The following DARS1 variants were observed in gnomAD, a reference collection of about 807,000 sequenced individuals.
DARS1 encodes the protein aspartate--tRNA ligase, cytoplasmic.
A neutral mutation model predicts 68.8 loss-of-function variants in DARS1; 51 were observed. The observed-to-expected ratio is 0.74, with a 90% CI of 0.59 to 0.94. DARS1 has a LOEUF of 0.94. Ranked by LOEUF, DARS1 falls within the 40% of genes least tolerant of loss-of-function variation. The pLI is 0.00. For missense variants in DARS1, 607 were observed against 597.3 expected (o/e 1.02, Z -0.17); for synonymous variants, 203 against 190.4 (o/e 1.07, Z -0.55).
In DARS1 at chr2:135,943,435, T is replaced by C. The variant is rs200029648; in HGVS notation, c.366A>G (p.Lys122=). The C allele has an allele frequency of 5.0e-6, 8 of 1,613,732 alleles. No homozygotes were observed. In the African/African-American group the frequency reaches 9.3e-5, roughly 19 times the overall value. ...TACAGCTTCCAATTTTCTGATTCAC[T>C]TTTCTCACAACACCTTCTACATCCA... ...SIVDVEGVVR[K]VNQKIGSCTQ... Residue 122 remains lysine (K), a synonymous_variant, in exon 5 of 16, where the codon AAA becomes AAG. Coordinates refer to ENST00000264161, the MANE Select transcript of DARS1 (RefSeq NM_001349.4).
At chr2:135,924,926 T>A (rs1396420267) in intron 7 of DARS1, among the ~76,000 whole-genome samples, 2 of 152,190 alleles carry the variant, frequency 1.3e-5, no homozygotes, top group Non-Finnish European at 2.9e-5. Flanking sequence ...CCATGTATTT[T>A]TATTTTAACC....
intron 2 of DARS1, among the ~76,000 whole-genome samples, chr2:135,982,349 C>T (rs961691175): frequency 1.3e-5 from 2 of 152,010 alleles, no homozygotes; most frequent in African/African-American, 4.8e-5. Context: ...AATCCTAGCA[C>T]TTTGGGAGGC....
chr2:135,932,567 G>C (rs1236171334), intron 7 of DARS1, among the ~76,000 whole-genome samples: 1 of 152,090 alleles, frequency 6.6e-6, no homozygotes, highest in Non-Finnish European at 1.5e-5. Context: ...TTAAAACAAA[G>C]AAAGTCAATA....
Position 135,916,360 on chromosome 2 carries a change from T to C in DARS1, c.972A>G (p.Glu324=). The C allele has an allele frequency of 6.5e-7, 1 of 1,529,104 alleles. No individual in the cohort carries two copies. Among genetic ancestry groups the C allele is most frequent in the Non-Finnish European group, 9.1e-7 (1 of 1,103,082 alleles). The allele number at this position is 1,529,104 out of a possible 1,614,324, so 94.7% of individuals were successfully genotyped here. The change falls in exon 11 of 16, where the codon GAA becomes GAG. Residue 324 remains glutamate, a synonymous_variant. Coordinates refer to ENST00000264161, the MANE Select transcript of DARS1 (RefSeq NM_001349.4). ...FKGLQERFQT[E]IQTVNKQFPC... ...GGAACTGTTTATTCACTGTTTGAATTTCAGTCTGAAACCTATTTGCAGAAT... is the reference window on the plus strand; with the variant it reads ...GGAACTGTTTATTCACTGTTTGAATCTCAGTCTGAAACCTATTTGCAGAAT...
chr2:135,924,573 G>A lies in DARS1; in HGVS notation c.565-75C>T, dbSNP rs1681175053. 17 of 1,506,682 alleles carry A rather than the reference G, an allele frequency of 1.1e-5. No homozygotes were observed. The South Asian group carries it at 1.2e-4, about 11-fold the overall frequency. 93.3% of individuals were successfully genotyped at this position (1,506,682 alleles called of 1,614,324 possible). The stretch of plus-strand genomic sequence containing the variant: ...GCACTAACTCTGTGGGCTAGGCACT[G>A]TGGAAACCTAACAATTCTTGCTTTC... On this transcript the variant is annotated intron_variant, in intron 7 of 15. Transcript: ENST00000264161.
chr2:135,913,568 C>T (rs309169), intron 12 of DARS1, among the ~76,000 whole-genome samples: 3,469 of 152,070 alleles, frequency 0.023, 108 homozygotes, highest in African/African-American at 0.079. Context: ...ACCAGCCTGG[C>T]CTACATGGTG....
At chr2:135,974,290 A>G (rs960357569) in intron 3 of DARS1, among the ~76,000 whole-genome samples, 2 of 152,236 alleles carry the variant, frequency 1.3e-5, no homozygotes, top group Admixed American at 1.3e-4. Flanking sequence ...AAGTGCTGCA[A>G]GTGTTCTGGG....
At chr2:135,917,128 C>G (rs954091562) in intron 10 of DARS1, among the ~76,000 whole-genome samples, 1 of 151,902 alleles carries the variant, frequency 6.6e-6, no homozygotes, top group Non-Finnish European at 1.5e-5. Context: ...CCATTGCCCT[C>G]CAGCCTGGGC....
chr2:135,963,093 A>T (rs1251191973), intron 3 of DARS1, among the ~76,000 whole-genome samples: 1 of 152,208 alleles, frequency 6.6e-6, no homozygotes, highest in Non-Finnish European at 1.5e-5. Context: ...GGACTTACAA[A>T]GGGTGAGCAC....
intron 3 of DARS1, chr2:135,979,041 T>G: frequency 2.8e-6 from 1 of 358,692 alleles, no homozygotes; most frequent in Non-Finnish European, 4.9e-6. Context: ...GCTAGAAAAG[T>G]AGCTTGAAGT....
At chr2:135,957,641 C>T (rs1682009032) in intron 4 of DARS1, among the ~76,000 whole-genome samples, 1 of 152,140 alleles carries the variant, frequency 6.6e-6, no homozygotes, top group Non-Finnish European at 1.5e-5. Context: ...GGATTACAGG[C>T]ATGAGCCACC....
rs151266570 is a variant in DARS1 at position 135,960,741 on chromosome 2, C to T, written c.320+655G>A. Among the ~76,000 whole-genome samples, 201 of 152,224 alleles carry T rather than the reference C, an allele frequency of 1.3e-3. 2 individuals carry two copies. The highest frequency in any genetic ancestry group is 0.011 in the South Asian group (51 of 4,818). ...ACATCACCACTACCAAGTAAAACAG[C>T]TCTCATCACCTTAGAGCCACTGCAC... On this transcript the variant is annotated intron_variant, in intron 4 of 15. Transcript: ENST00000264161.
chr2:135,969,239 T>C (rs1379230972), intron 3 of DARS1, among the ~76,000 whole-genome samples: 1 of 151,922 alleles, frequency 6.6e-6, no homozygotes, highest in African/African-American at 2.4e-5. Flanking sequence ...TTTTAAAAAG[T>C]TGAAAAATAA....
At chr2:135,934,513 T>C (rs1681424446) in intron 5 of DARS1, among the ~76,000 whole-genome samples, 2 of 151,850 alleles carry the variant, frequency 1.3e-5, no homozygotes, top group Admixed American at 6.6e-5. Context: ...TCCCAGCTAC[T>C]TGGGTGGCTG....
chr2:135,921,636 A>T (rs1681112074), intron 9 of DARS1, among the ~76,000 whole-genome samples: 1 of 152,158 alleles, frequency 6.6e-6, no homozygotes. Flanking sequence ...TGTATGTCTT[A>T]GTCTTGGGAG....
At chr2:135,919,444 A>G (rs755202671) in intron 10 of DARS1, among the ~76,000 whole-genome samples, 2 of 152,234 alleles carry the variant, frequency 1.3e-5, no homozygotes, top group Non-Finnish European at 2.9e-5. Flanking sequence ...AACAAGGAAT[A>G]GTTGAATTGC....
chr2:135,978,363 T>C (rs955045732), intron 3 of DARS1, among the ~76,000 whole-genome samples: 1 of 152,136 alleles, frequency 6.6e-6, no homozygotes, highest in African/African-American at 2.4e-5. Flanking sequence ...GAGACGGAGA[T>C]GTCTTAGAAA....
At position 135,985,554 on chromosome 2, in the gene DARS1, T is replaced by C. The variant is rs1433569203; in HGVS notation, c.-86A>G. On this transcript the variant is annotated 5_prime_UTR_variant, in exon 1 of 16. Coordinates refer to ENST00000264161, the MANE Select transcript of DARS1 (RefSeq NM_001349.4). ...AAAGGGGCTTCTCCCTCCCTCCCAG[T>C]CTCCGCCCTCCCGACCCTGGGGTCT... 1.2e-6 allele frequency: 2 copies of C among 1,601,942 alleles called. No homozygotes were observed. The highest frequency in any genetic ancestry group is 1.7e-5 in the Admixed American group (1 of 57,560).
intron 1 of DARS1, chr2:135,985,140 C>T: frequency 3.9e-6 from 2 of 519,252 alleles, no homozygotes; most frequent in South Asian, 3.2e-5. Flanking sequence ...ACTTCCGGGG[C>T]GGCTGGTTCT....
Sources: gnomAD v4.1 joint callset for allele counts (sites outside exome capture counted in the v4.1 genomes callset) on GRCh38, gnomAD v4.1.1 for gene constraint, MANE v1.5 for transcripts, NCBI Gene and HGNC (gene_info 2026-07-23, HGNC 2026-07-21) for gene names.